The following DOCK2 variants were observed in gnomAD, a reference collection of about 807,000 sequenced individuals.
DOCK2 encodes the protein dedicator of cytokinesis 2.
In DOCK2, 87 loss-of-function variants were observed where a neutral mutation model predicts 248.9. The observed-to-expected ratio is 0.35, with a 90% CI of 0.29 to 0.42. The LOEUF (loss-of-function observed/expected upper bound fraction) is 0.42, where lower values mean the gene tolerates loss of function less well. Ranked by LOEUF, DOCK2 falls within the 10% of genes least tolerant of loss-of-function variation. The probability of loss-of-function intolerance (pLI) is 1.00; values close to 1 mark genes in which losing one functional copy is unlikely to be tolerated. For synonymous variants in DOCK2, 805 were observed against 821.6 expected (o/e 0.98, Z 0.35); for missense variants, 1,747 against 2,300.2 (o/e 0.76, Z 4.92).
At chr5:169,979,678 C>A (rs1309209464) in intron 27 of DOCK2, among the ~76,000 whole-genome samples, 2 of 152,126 alleles carry the variant, frequency 1.3e-5, no homozygotes, top group African/African-American at 4.8e-5. Flanking sequence ...TCATTAACAG[C>A]CAAATGCAGG....
chr5:169,812,692 G>A (rs940591194), intron 26 of DOCK2, among the ~76,000 whole-genome samples: 16 of 152,324 alleles, frequency 1.1e-4, no homozygotes, highest in South Asian at 6.2e-4. Context: ...CAAATAATCT[G>A]CACTCTATGC....
At chr5:169,727,268 C>T (rs1762530468) in intron 22 of DOCK2, among the ~76,000 whole-genome samples, 1 of 152,140 alleles carries the variant, frequency 6.6e-6, no homozygotes, top group Non-Finnish European at 1.5e-5. Flanking sequence ...TACAACAACG[C>T]TGCAAAGCAT....
intron 26 of DOCK2, among the ~76,000 whole-genome samples, chr5:169,829,527 C>CTA (rs1375777053): frequency 6.6e-6 from 1 of 152,166 alleles, no homozygotes; most frequent in Non-Finnish European, 1.5e-5. Context: ...TGCTGCAGGG[C>CTA]CATTTGTTCA....
At chr5:169,995,779 G>C (rs750655325) in intron 29 of DOCK2, among the ~76,000 whole-genome samples, 6 of 152,132 alleles carry the variant, frequency 3.9e-5, no homozygotes, top group Admixed American at 1.3e-4. Context: ...GGGATGGGGG[G>C]GGTGATTTCT....
chr5:169,774,328 C>G (rs1387265320), intron 25 of DOCK2, among the ~76,000 whole-genome samples: 1 of 152,102 alleles, frequency 6.6e-6, no homozygotes, highest in African/African-American at 2.4e-5. Flanking sequence ...TTGTGCCAGG[C>G]CCCAAATAAT....
chr5:170,004,190 AATAG>A (rs1754937072), intron 30 of DOCK2, among the ~76,000 whole-genome samples: 1 of 152,272 alleles, frequency 6.6e-6, no homozygotes, highest in African/African-American at 2.4e-5. Context: ...TCAGTGGATG[AATAG>A]ATAATCGAAA....
intron 2 of DOCK2, among the ~76,000 whole-genome samples, chr5:169,662,455 GT>G (rs1758497149): frequency 6.6e-6 from 1 of 152,044 alleles, no homozygotes; most frequent in Non-Finnish European, 1.5e-5. Context: ...AAAGTTTTTA[GT>G]AGTCAGGATT....
intron 26 of DOCK2, among the ~76,000 whole-genome samples, chr5:169,810,989 T>TCACACACACA (rs55987604): frequency 1.9e-4 from 18 of 97,210 alleles, no homozygotes; most frequent in South Asian, 3.9e-4. Flanking sequence ...TCTCTCTCTC[T>TCACACACACA]CACACACACA....
chr5:169,718,387 G>A (rs1386630549), intron 21 of DOCK2, among the ~76,000 whole-genome samples: 6 of 151,988 alleles, frequency 3.9e-5, no homozygotes, highest in African/African-American at 1.5e-4. Context: ...ATTCCCACTT[G>A]TAGCCTGATT....
chr5:169,998,709 A>G (rs1754732644), intron 30 of DOCK2, among the ~76,000 whole-genome samples: 1 of 152,206 alleles, frequency 6.6e-6, no homozygotes, highest in African/African-American at 2.4e-5. Context: ...GCTGACACCA[A>G]AGCCCACCCA....
At chr5:169,717,291 A>C in intron 20 of DOCK2, 93 bp from the exon 21 acceptor site, 1 of 1,035,756 alleles carries the variant, frequency 9.7e-7, no homozygotes, top group Non-Finnish European at 1.5e-6. Context: ...TTCCTGGGCA[A>C]AGGATTTTAA....
At chr5:169,726,895 G>A (rs1762500779) in intron 22 of DOCK2, among the ~76,000 whole-genome samples, 1 of 152,064 alleles carries the variant, frequency 6.6e-6, no homozygotes, top group South Asian at 2.1e-4. Context: ...CTCAGAGGAG[G>A]TGATGTTTCA....
intron 27 of DOCK2, among the ~76,000 whole-genome samples, chr5:169,852,023 T>G (rs574440104): frequency 7.0e-4 from 106 of 152,246 alleles, no homozygotes; most frequent in Non-Finnish European, 1.4e-3. Flanking sequence ...GGGAAGCTGG[T>G]GCCAAAGCTG....
intron 36 of DOCK2, chr5:170,040,706 C>G: frequency 4.0e-6 from 1 of 248,332 alleles, no homozygotes; most frequent in Non-Finnish European, 7.6e-6. Context: ...TTGCATTGGC[C>G]AGACCATTCA....
chr5:170,053,076 T>C (rs1178022277), intron 41 of DOCK2, among the ~76,000 whole-genome samples: 1 of 152,258 alleles, frequency 6.6e-6, no homozygotes, highest in African/African-American at 2.4e-5. Context: ...GTAGGGAGTC[T>C]GCAGTTGCCC....
intron 25 of DOCK2, among the ~76,000 whole-genome samples, chr5:169,798,672 T>C (rs943665714): frequency 2.6e-5 from 4 of 152,234 alleles, no homozygotes; most frequent in African/African-American, 9.6e-5. Context: ...GTCTGCTTCT[T>C]ATCTCTGTTG....
intron 27 of DOCK2, among the ~76,000 whole-genome samples, chr5:169,877,829 C>T (rs1011124871): frequency 5.3e-5 from 8 of 152,164 alleles, no homozygotes; most frequent in Admixed American, 5.2e-4. Flanking sequence ...CTATTTCTCT[C>T]ACCTCTCTAG....
At chr5:169,832,855 T>TAA (rs34255046) in intron 26 of DOCK2, among the ~76,000 whole-genome samples, 63 of 150,334 alleles carry the variant, frequency 4.2e-4, no homozygotes, top group Admixed American at 3.4e-3. Context: ...CTCTTTTGCT[T>TAA]AAAAAAAAAA....
chr5:169,963,969 C>T (rs910928260), intron 27 of DOCK2, among the ~76,000 whole-genome samples: 2 of 152,044 alleles, frequency 1.3e-5, no homozygotes, highest in Non-Finnish European at 2.9e-5. Flanking sequence ...ACAGAGAGAA[C>T]CACTGCTTCA....
Sources: gnomAD v4.1 joint callset for allele counts (sites outside exome capture counted in the v4.1 genomes callset) on GRCh38, gnomAD v4.1.1 for gene constraint, MANE v1.5 for transcripts, NCBI Gene and HGNC (gene_info 2026-07-23, HGNC 2026-07-21) for gene names.